The following PTCD2 variants were observed in gnomAD, a reference collection of about 807,000 sequenced individuals.
The protein encoded by PTCD2 is pentatricopeptide repeat domain 2.
PTCD2 carries 31 observed loss-of-function variants against 42.6 expected under a neutral mutation model. That is an observed-to-expected ratio of 0.73 (90% CI 0.55 to 0.98). The LOEUF is 0.98. Among genes scored for constraint, PTCD2 ranks in the 50% least tolerant of loss-of-function variants. PTCD2 has a pLI of 0.00. For missense variants in PTCD2, 476 were observed against 454.8 expected (o/e 1.05, Z -0.42); for synonymous variants, 183 against 170.9 (o/e 1.07, Z -0.55).
At chr5:72,347,719 G>T (rs1208925664) in intron 8 of PTCD2, among the ~76,000 whole-genome samples, 2 of 151,982 alleles carry the variant, frequency 1.3e-5, no homozygotes, top group Admixed American at 6.6e-5. Context: ...GTAATGATTT[G>T]ATTTTTTTTT....
Position 72,365,318 on chromosome 5 carries a change from T to A in PTCD2, c.*6891T>A, listed in dbSNP as rs1434600075. The A allele has an allele frequency of 1.3e-5, 2 of 152,218 alleles. No individual in the cohort carries two copies. The highest frequency in any genetic ancestry group is 2.4e-5 in the African/African-American group (1 of 41,444). The allele number at this position is 152,218 out of a possible 1,614,324, so 9.4% of individuals were successfully genotyped here. On this transcript the variant is annotated 3_prime_UTR_variant, in exon 10 of 10. Coordinates refer to ENST00000380639, the MANE Select transcript of PTCD2 (RefSeq NM_024754.5). ...GAGTGATGCTTTCTTTGTAAATCCC[T>A]TGTCTTCCCTGATTCCTTTTTCCTG...
Position 72,326,634 on chromosome 5 carries a change from A to G in PTCD2, c.243A>G (p.Lys81=), listed in dbSNP as rs760839491. Residue 81 remains lysine, a synonymous_variant, in exon 3 of 10, where the codon AAA becomes AAG. Transcript: ENST00000380639. Reference sequence around the variant, plus strand: ...CAGAAACGTATTTTAGAAACTTGAAAAAGAAACTGACCCAGAACAAGCTCA... The same window carrying G: ...CAGAAACGTATTTTAGAAACTTGAAGAAGAAACTGACCCAGAACAAGCTCA... The part of the protein sequence containing the change: ...GTKETYFRNL[K]KKLTQNKLIL... 9 of 1,614,212 alleles carry G rather than the reference A, an allele frequency of 5.6e-6. No homozygotes were observed. Among genetic ancestry groups the G allele is most frequent in the Middle Eastern group, 1.6e-4 (1 of 6,062 alleles).
chr5:72,320,798 TTTTA>T (rs376197172), intron 1 of PTCD2: 182 of 371,662 alleles, frequency 4.9e-4, no homozygotes, highest in Middle Eastern at 2.3e-3. Context: ...CTTGGGTGAC[TTTTA>T]TTTATTTATT....
rs769232943 is a variant in PTCD2, at chr5:72,335,759, C to G, written c.548-35C>G. 31 of 1,432,132 alleles carry G rather than the reference C, an allele frequency of 2.2e-5. No homozygotes were observed. The South Asian group carries it at 2.6e-4, about 12-fold the overall frequency. The allele number at this position is 1,432,132 out of a possible 1,614,324, so 88.7% of individuals were successfully genotyped here. On this transcript the variant is annotated intron_variant, in intron 5 of 9. Coordinates refer to ENST00000380639, the MANE Select transcript of PTCD2 (RefSeq NM_024754.5). Reference sequence around the variant, plus strand: ...GCTTTGGGGGCCAACAGTAGAGGAACTCTAACACTGCGATCCACTCTTCAC... The same window carrying G: ...GCTTTGGGGGCCAACAGTAGAGGAAGTCTAACACTGCGATCCACTCTTCAC...
Position 72,324,531 on chromosome 5 carries a change from C to T in PTCD2, c.221-2081C>T, listed in dbSNP as rs1026120575. Among the ~76,000 whole-genome samples, 3 of 152,176 alleles carry T rather than the reference C, an allele frequency of 2.0e-5. No individual in the cohort carries two copies. The East Asian group carries it at 5.8e-4, about 29-fold the overall frequency. Reference sequence around the variant, plus strand: ...AGAATATCCCCCTCCTCCATTTCTCCAACCTGATTTCAGCCCTTTCCTTTC... The same window carrying T: ...AGAATATCCCCCTCCTCCATTTCTCTAACCTGATTTCAGCCCTTTCCTTTC... On this transcript the variant is annotated intron_variant, in intron 2 of 9. Coordinates refer to ENST00000380639, the MANE Select transcript of PTCD2 (RefSeq NM_024754.5).
chr5:72,343,946 G>A (rs950754865), intron 8 of PTCD2, among the ~76,000 whole-genome samples: 2 of 152,200 alleles, frequency 1.3e-5, no homozygotes, highest in Admixed American at 1.3e-4. Flanking sequence ...GAAACAGTCA[G>A]AGGGTTGAGA....
At chr5:72,328,006 CTTTT>C (rs1179800893) in intron 3 of PTCD2, among the ~76,000 whole-genome samples, 5 of 151,994 alleles carry the variant, frequency 3.3e-5, no homozygotes, top group Non-Finnish European at 7.4e-5. Context: ...AAAAAAATGT[CTTTT>C]TTTAAGTAAA....
intron 8 of PTCD2, among the ~76,000 whole-genome samples, chr5:72,344,762 T>C (rs1040185591): frequency 3.9e-5 from 6 of 152,112 alleles, no homozygotes; most frequent in Non-Finnish European, 7.4e-5. Context: ...ACATCACATG[T>C]CGGCAGGTTC....
In PTCD2 at chr5:72,341,050, C is replaced by T. The variant is rs374758736; in HGVS notation, c.754-1912C>T. Among the ~76,000 whole-genome samples the T allele has an allele frequency of 2.0e-4, 31 of 151,830 alleles. No homozygotes were observed. In the East Asian group the frequency reaches 3.7e-3, roughly 18 times the overall value. ...CACGATTTCGGCTCACTGCAACCTCCGCCTCCTGGGTTAAAGTGATTCTCC... is the reference window on the plus strand; with the variant it reads ...CACGATTTCGGCTCACTGCAACCTCTGCCTCCTGGGTTAAAGTGATTCTCC... On this transcript the variant is annotated intron_variant, in intron 7 of 9. Coordinates refer to ENST00000380639, the MANE Select transcript of PTCD2 (RefSeq NM_024754.5).
chr5:72,338,106 A>G (rs1291211075), intron 6 of PTCD2, among the ~76,000 whole-genome samples: 4 of 152,076 alleles, frequency 2.6e-5, no homozygotes, highest in Non-Finnish European at 1.5e-5. Context: ...TTTTTATATC[A>G]CTGACATTCT....
intron 3 of PTCD2, among the ~76,000 whole-genome samples, chr5:72,329,139 C>T (rs902332230): frequency 2.0e-5 from 3 of 152,180 alleles, no homozygotes; most frequent in East Asian, 3.8e-4. Context: ...ACTCTTTCTA[C>T]TCTTATTTTT....
At chr5:72,327,049 C>G (rs1315598719) in intron 3 of PTCD2, among the ~76,000 whole-genome samples, 1 of 152,176 alleles carries the variant, frequency 6.6e-6, no homozygotes, top group Non-Finnish European at 1.5e-5. Flanking sequence ...ATTCACTCCT[C>G]TTCTTCTGTT....
chr5:72,336,765 T>C (rs1751766507), intron 6 of PTCD2, among the ~76,000 whole-genome samples: 1 of 152,120 alleles, frequency 6.6e-6, no homozygotes, highest in Admixed American at 6.5e-5. Flanking sequence ...GATTATTTCT[T>C]GCCCATAGAA....
rs1388203847 is a variant in PTCD2, at chr5:72,365,805, A to G, written c.*7378A>G. ...AATGTCATTTCCAATTTAGAAGATC[A>G]TAATCGATTTTTAACACATTGGTCC... On this transcript the variant is annotated 3_prime_UTR_variant, in exon 10 of 10. Coordinates refer to ENST00000380639, the MANE Select transcript of PTCD2 (RefSeq NM_024754.5). 6.6e-6 allele frequency: 1 copy of G among 152,242 alleles called. No homozygotes were observed. Among genetic ancestry groups the G allele is most frequent in the Non-Finnish European group, 1.5e-5 (1 of 68,036 alleles). 9.4% of individuals were successfully genotyped at this position (152,242 alleles called of 1,614,324 possible).
intron 4 of PTCD2, among the ~76,000 whole-genome samples, chr5:72,334,779 G>A (rs1279502254): frequency 1.3e-5 from 2 of 152,152 alleles, no homozygotes; most frequent in East Asian, 3.9e-4. Flanking sequence ...TTGAACTTCT[G>A]ACCTCGTGAT....
intron 6 of PTCD2, among the ~76,000 whole-genome samples, chr5:72,338,071 A>G (rs1002074659): frequency 6.6e-6 from 1 of 152,264 alleles, no homozygotes; most frequent in Non-Finnish European, 1.5e-5. Flanking sequence ...GCACAAAGGA[A>G]GAGGATTTGG....
intron 3 of PTCD2, 117 bp downstream of exon 3, chr5:72,326,858 T>C (rs1474823480): frequency 4.8e-5 from 49 of 1,010,372 alleles, no homozygotes; most frequent in Non-Finnish European, 6.6e-5. Context: ...CTTCCAGATC[T>C]CTTGTTCGGA....
intron 9 of PTCD2, among the ~76,000 whole-genome samples, chr5:72,356,738 T>A (rs747091454): frequency 1.3e-5 from 2 of 152,200 alleles, no homozygotes; most frequent in Non-Finnish European, 2.9e-5. Context: ...GCACATTAAG[T>A]CATTTTCACC....
In PTCD2 at chr5:72,361,639, T is replaced by C. The variant is rs1753096340; in HGVS notation, c.*3212T>C. On this transcript the variant is annotated 3_prime_UTR_variant, in exon 10 of 10. Coordinates refer to ENST00000380639, the MANE Select transcript of PTCD2 (RefSeq NM_024754.5). ...TTTCAAAGAATAAATTCTGTGAAAC[T>C]GTAGTAGATAGTCTGTTTTCTCCCC... 6.6e-6 allele frequency: 1 copy of C among 152,240 alleles called. No individual in the cohort carries two copies. The highest frequency in any genetic ancestry group is 1.5e-5 in the Non-Finnish European group (1 of 68,050). The allele number at this position is 152,240 out of a possible 1,614,324, so 9.4% of individuals were successfully genotyped here. A position where few individuals can be genotyped will look rare whatever the true frequency, so the allele number is the denominator to read the frequency against.
Sources: gnomAD v4.1 joint callset for allele counts (sites outside exome capture counted in the v4.1 genomes callset) on GRCh38, gnomAD v4.1.1 for gene constraint, MANE v1.5 for transcripts, NCBI Gene and HGNC (gene_info 2026-07-23, HGNC 2026-07-21) for gene names.